KATNAL2: variants seen among roughly 807,000 people sequenced by gnomAD.
KATNAL2 encodes the protein katanin catalytic subunit A1 like 2, also known as katanin p60 ATPase-containing subunit A-like 2.
In KATNAL2, 52 loss-of-function variants were observed where a neutral mutation model predicts 76.3. The ratio of observed to expected loss-of-function variants is 0.68; its 90% confidence interval spans 0.55 to 0.86. The LOEUF is 0.86. KATNAL2 is among the 40% of genes least tolerant of loss of function. KATNAL2 has a pLI of 0.00. For missense variants in KATNAL2, 660 were observed against 668.9 expected (o/e 0.99, Z 0.15); for synonymous variants, 243 against 244.2 (o/e 1.00, Z 0.05).
chr18:47,057,908 T>C (rs1005161417), intron 6 of KATNAL2, among the ~76,000 whole-genome samples: 2 of 152,176 alleles, frequency 1.3e-5, no homozygotes, highest in African/African-American at 4.8e-5. Context: ...GAAGGAACAA[T>C]GGAAGAATGC....
chr18:47,044,219 A>C (rs1188745092), intron 3 of KATNAL2, among the ~76,000 whole-genome samples: 2 of 152,176 alleles, frequency 1.3e-5, no homozygotes, highest in Non-Finnish European at 2.9e-5. Context: ...AAAAGCAAAA[A>C]AAAATCTCAT....
chr18:47,078,704 G>A (rs925958009), intron 15 of KATNAL2, among the ~76,000 whole-genome samples: 25 of 152,296 alleles, frequency 1.6e-4, no homozygotes, highest in African/African-American at 6.0e-4. Flanking sequence ...TTTTCTGGAA[G>A]AATAGAGGAC....
At chr18:47,081,220 C>G (rs2062503622) in intron 15 of KATNAL2, among the ~76,000 whole-genome samples, 2 of 151,898 alleles carry the variant, frequency 1.3e-5, no homozygotes, top group Admixed American at 1.3e-4. Context: ...TTTCCCAAGT[C>G]TTGGACCTTT....
intron 15 of KATNAL2, among the ~76,000 whole-genome samples, chr18:47,081,886 T>A (rs2062540174): frequency 6.6e-6 from 1 of 152,212 alleles, no homozygotes; most frequent in African/African-American, 2.4e-5. Context: ...GCCTTTTGAT[T>A]AGACAGAGCT....
At chr18:46,918,464 G>A (rs1010922747) in intron 1 of KATNAL2, among the ~76,000 whole-genome samples, 1 of 152,046 alleles carries the variant, frequency 6.6e-6, no homozygotes, top group Non-Finnish European at 1.5e-5. Context: ...CGCAAGTTTT[G>A]TTTTTTTGAG....
chr18:46,960,778 A>G (rs1462382093), intron 3 of KATNAL2, among the ~76,000 whole-genome samples: 3 of 152,340 alleles, frequency 2.0e-5, no homozygotes, highest in East Asian at 3.9e-4. Flanking sequence ...GATATCCCTT[A>G]CCTAACAAAG....
intron 3 of KATNAL2, chr18:47,033,600 A>G: frequency 6.2e-7 from 1 of 1,614,170 alleles, no homozygotes. Context: ...GAACAGGTTC[A>G]AGAACCCAGT....
intron 7 of KATNAL2, 68 bp downstream of exon 7, chr18:47,058,420 C>G: frequency 1.1e-6 from 1 of 884,134 alleles, no homozygotes. Context: ...TGAAAAAGGT[C>G]ACATTTATTT....
chr18:47,034,755 G>C (rs1244643633), intron 3 of KATNAL2: 2 of 1,612,820 alleles, frequency 1.2e-6, no homozygotes, highest in Admixed American at 1.7e-5. Context: ...GCGTTGGAGA[G>C]GCCCGATAGC....
intron 3 of KATNAL2, among the ~76,000 whole-genome samples, chr18:46,951,978 G>A (rs1232804803): frequency 6.6e-6 from 1 of 151,980 alleles, no homozygotes; most frequent in African/African-American, 2.4e-5. Context: ...TCACCACGTT[G>A]CCCAGGCTGG....
chr18:47,038,391 T>G (rs1193034915), intron 3 of KATNAL2, among the ~76,000 whole-genome samples: 1 of 152,206 alleles, frequency 6.6e-6, no homozygotes, highest in Non-Finnish European at 1.5e-5. Context: ...CTTGCTTTTA[T>G]TAGGGTTGCT....
chr18:46,929,351 T>A (rs528866358), intron 1 of KATNAL2, among the ~76,000 whole-genome samples: 67 of 152,208 alleles, frequency 4.4e-4, no homozygotes, highest in African/African-American at 1.1e-3. Context: ...CAAGCAATTC[T>A]CCTGCCTCAG....
Position 46,946,249 on chromosome 18 carries a change from A to G in KATNAL2, c.-317A>G, listed in dbSNP as rs751641905. On this transcript the variant is annotated 5_prime_UTR_variant, in exon 2 of 18. It removes an upstream start codon present in the reference 5' UTR. Transcript: ENST00000683218. ...AAATAGAGCAGAGGAAAACACGTCCATGTTTTTCCACGTCTAATGAGAACA... is the reference window on the plus strand; with the variant it reads ...AAATAGAGCAGAGGAAAACACGTCCGTGTTTTTCCACGTCTAATGAGAACA... 3 of 1,110,110 alleles carry G rather than the reference A, an allele frequency of 2.7e-6. No individual in the cohort carries two copies. The highest frequency in any genetic ancestry group is 3.3e-6 in the Non-Finnish European group (3 of 899,188). 68.8% of individuals were successfully genotyped at this position (1,110,110 alleles called of 1,614,324 possible).
intron 3 of KATNAL2, among the ~76,000 whole-genome samples, chr18:47,040,070 C>T (rs1424090554): frequency 6.6e-6 from 1 of 152,202 alleles, no homozygotes; most frequent in Non-Finnish European, 1.5e-5. Context: ...GCTTTATTTA[C>T]AGCAGGTCTG....
At chr18:47,034,406 G>GC (rs1244859640) in intron 3 of KATNAL2, 2 of 1,613,914 alleles carry the variant, frequency 1.2e-6, no homozygotes, top group East Asian at 2.2e-5. Flanking sequence ...CTGCCAGCTT[G>GC]CCCCCCTTCC....
intron 15 of KATNAL2, among the ~76,000 whole-genome samples, chr18:47,090,734 T>G (rs1346178808): frequency 6.6e-6 from 1 of 152,066 alleles, no homozygotes; most frequent in Non-Finnish European, 1.5e-5. Context: ...AAGTTCCACA[T>G]AAGGAAAATG....
chr18:46,954,789 G>A (rs1444360932), intron 3 of KATNAL2, among the ~76,000 whole-genome samples: 3 of 151,922 alleles, frequency 2.0e-5, no homozygotes, highest in South Asian at 2.1e-4. Flanking sequence ...GACTACAGGC[G>A]TATGCCACCA....
intron 10 of KATNAL2, among the ~76,000 whole-genome samples, chr18:47,066,481 G>A (rs1460167427): frequency 6.6e-6 from 1 of 152,138 alleles, no homozygotes; most frequent in Non-Finnish European, 1.5e-5. Context: ...CTGGAAGTAG[G>A]GAATGATCGC....
intron 3 of KATNAL2, chr18:47,033,526 TC>T (rs2060592707): frequency 6.2e-7 from 1 of 1,614,192 alleles, no homozygotes; most frequent in Admixed American, 1.7e-5. Context: ...TTCGTCTGTC[TC>T]TCTAACGAGT....
Sources: allele counts gnomAD v4.1 joint callset (sites outside exome capture counted in the v4.1 genomes callset), GRCh38; gene constraint gnomAD v4.1.1; transcripts MANE v1.5; gene names NCBI Gene and HGNC (gene_info 2026-07-23, HGNC 2026-07-21).